TSPAN5: variants seen among roughly 807,000 people sequenced by gnomAD.
The protein encoded by TSPAN5 is tetraspanin-5.
TSPAN5 carries 10 observed loss-of-function variants against 37.1 expected under a neutral mutation model. That is an observed-to-expected ratio of 0.27 (90% CI 0.17 to 0.46). TSPAN5 has a LOEUF of 0.46. Ranked by LOEUF, TSPAN5 falls within the 20% of genes least tolerant of loss-of-function variation. The pLI is 1.00. For missense variants in TSPAN5, 195 were observed against 326.6 expected (o/e 0.60, Z 3.11); for synonymous variants, 110 against 118.9 (o/e 0.93, Z 0.48).
At chr4:98,657,592 G>C (rs1387528253) in intron 1 of TSPAN5, 1 of 158,826 alleles carries the variant, frequency 6.3e-6, no homozygotes, top group African/African-American at 2.4e-5. Context: ...TTATTTACGT[G>C]CAATTACAGG....
chr4:98,563,237 G>A lies in TSPAN5; in HGVS notation c.82-55509C>T, dbSNP rs1754917252. 2.0e-5 allele frequency among the ~76,000 whole-genome samples: 3 copies of A among 152,110 alleles called. No individual in the cohort carries two copies. In the South Asian group the frequency reaches 6.2e-4, roughly 32 times the overall value. ...ACTGCCAGAGCAAGCAGAGATGAGA[G>A]GAGGGAAAGAGAAGAAACCGGGAGA... On this transcript the variant is annotated intron_variant, in intron 1 of 7. Coordinates refer to ENST00000305798, the MANE Select transcript of TSPAN5 (RefSeq NM_005723.4).
At chr4:98,636,043 T>C (rs1756851404) in intron 1 of TSPAN5, among the ~76,000 whole-genome samples, 1 of 152,230 alleles carries the variant, frequency 6.6e-6, no homozygotes, top group South Asian at 2.1e-4. Context: ...TTGTACTCAT[T>C]ACCTCTTTAT....
At chr4:98,481,927 G>T in intron 4 of TSPAN5, 78 bp downstream of exon 4, 1 of 1,467,900 alleles carries the variant, frequency 6.8e-7, no homozygotes, top group Non-Finnish European at 9.4e-7. Context: ...GGCAGATGCA[G>T]AAACCAGGAG....
chr4:98,617,726 G>A (rs1347214374), intron 1 of TSPAN5, among the ~76,000 whole-genome samples: 1 of 152,100 alleles, frequency 6.6e-6, no homozygotes. Context: ...TGTTGTTATT[G>A]TACCACACAC....
At chr4:98,598,409 C>T (rs1461526971) in intron 1 of TSPAN5, among the ~76,000 whole-genome samples, 3 of 150,770 alleles carry the variant, frequency 2.0e-5, no homozygotes, top group East Asian at 2.0e-4. Flanking sequence ...GCGTCGCTCA[C>T]GCTGGGAGCT....
At chr4:98,525,982 T>C (rs1220723921) in intron 1 of TSPAN5, among the ~76,000 whole-genome samples, 2 of 152,212 alleles carry the variant, frequency 1.3e-5, no homozygotes, top group Non-Finnish European at 2.9e-5. Context: ...AATAAAATAC[T>C]GCATATAAAT....
At chr4:98,508,014 T>C (rs1479712248) in intron 1 of TSPAN5, among the ~76,000 whole-genome samples, 1 of 152,160 alleles carries the variant, frequency 6.6e-6, no homozygotes, top group Admixed American at 6.5e-5. Flanking sequence ...TAACATTTAA[T>C]ATGCTGCCTT....
intron 2 of TSPAN5, among the ~76,000 whole-genome samples, chr4:98,497,195 GT>G (rs1236510711): frequency 2.0e-5 from 3 of 151,874 alleles, no homozygotes; most frequent in African/African-American, 7.3e-5. Flanking sequence ...CGTGCGCCTT[GT>G]AGTCCCAGCT....
At chr4:98,473,024 G>A (rs1028421861) in intron 7 of TSPAN5, among the ~76,000 whole-genome samples, 9 of 152,098 alleles carry the variant, frequency 5.9e-5, no homozygotes, top group Non-Finnish European at 1.0e-4. Flanking sequence ...TCCTTTTGAT[G>A]GTTGAATGAT....
chr4:98,548,462 C>G (rs1578984103), intron 1 of TSPAN5, among the ~76,000 whole-genome samples: 1 of 152,006 alleles, frequency 6.6e-6, no homozygotes, highest in East Asian at 1.9e-4. Context: ...GATCCGTACA[C>G]AGTTATATGC....
intron 4 of TSPAN5, among the ~76,000 whole-genome samples, chr4:98,479,041 C>T (rs1260524692): frequency 6.6e-6 from 1 of 152,074 alleles, no homozygotes; most frequent in Non-Finnish European, 1.5e-5. Context: ...CTGATGAGAC[C>T]TGTGGTGTTA....
intron 1 of TSPAN5, among the ~76,000 whole-genome samples, chr4:98,535,460 T>TA (rs2110134571): frequency 6.6e-6 from 1 of 152,348 alleles, no homozygotes; most frequent in South Asian, 2.1e-4. Context: ...TGGCTGCCCT[T>TA]AACATTTTTT....
intron 2 of TSPAN5, among the ~76,000 whole-genome samples, chr4:98,502,024 A>G (rs936042729): frequency 2.0e-5 from 3 of 152,226 alleles, no homozygotes; most frequent in Non-Finnish European, 2.9e-5. Flanking sequence ...ATATAGTTTC[A>G]AAGTAGAGCT....
chr4:98,532,998 T>C (rs1243791478), intron 1 of TSPAN5, among the ~76,000 whole-genome samples: 5 of 152,198 alleles, frequency 3.3e-5, no homozygotes, highest in Admixed American at 1.3e-4. Context: ...TGTTTATTGA[T>C]TTGTGTATGT....
intron 1 of TSPAN5, among the ~76,000 whole-genome samples, chr4:98,547,960 C>T (rs1754506156): frequency 7.0e-6 from 1 of 142,598 alleles, no homozygotes; most frequent in Non-Finnish European, 1.5e-5. Context: ...AGCTGACAGC[C>T]GAGATCATGC....
At chr4:98,638,312 G>C in intron 1 of TSPAN5, among the ~76,000 whole-genome samples, 1 of 152,128 alleles carries the variant, frequency 6.6e-6, no homozygotes, top group East Asian at 1.9e-4. Context: ...CAGTTCCCTG[G>C]AGATATACTG....
chr4:98,598,109 T>C (rs1244190472), intron 1 of TSPAN5, among the ~76,000 whole-genome samples: 2 of 110,380 alleles, frequency 1.8e-5, no homozygotes, highest in African/African-American at 4.7e-5. Context: ...CGTAGGACCC[T>C]CTGAGCCAGG....
chr4:98,601,071 A>C (rs1272067813), intron 1 of TSPAN5, among the ~76,000 whole-genome samples: 7 of 152,210 alleles, frequency 4.6e-5, no homozygotes, highest in Admixed American at 4.6e-4. Flanking sequence ...CTTTTTTATA[A>C]GCAATAAGTC....
intron 1 of TSPAN5, among the ~76,000 whole-genome samples, chr4:98,539,078 TCTC>T (rs1386535766): frequency 8.6e-5 from 13 of 150,882 alleles, no homozygotes; most frequent in Non-Finnish European, 1.9e-4. Flanking sequence ...GATGTTATGA[TCTC>T]CTTCTGGATC....
Sources: allele counts gnomAD v4.1 joint callset (sites outside exome capture counted in the v4.1 genomes callset), GRCh38; gene constraint gnomAD v4.1.1; transcripts MANE v1.5; gene names NCBI Gene and HGNC (gene_info 2026-07-23, HGNC 2026-07-21).